MARCHF1: variants seen among roughly 807,000 people sequenced by gnomAD.
The protein encoded by MARCHF1 is E3 ubiquitin-protein ligase MARCHF1.
Under a neutral mutation model 54.2 loss-of-function variants are expected in MARCHF1, and 40 were observed. That is an observed-to-expected ratio of 0.74 (90% confidence interval 0.57 to 0.96). MARCHF1 has a LOEUF of 0.96. MARCHF1 is among the 40% of genes least tolerant of loss of function. The pLI is 0.00. For missense variants in MARCHF1, 586 were observed against 656.5 expected, an observed-to-expected ratio of 0.89 and a Z score of 1.17; for synonymous variants, 236 against 236.3, an observed-to-expected ratio of 1.00 and a Z score of 0.01.
intron 4 of MARCHF1, among the ~76,000 whole-genome samples, chr4:163,749,878 A>C (rs1233083092): frequency 6.6e-6 from 1 of 151,132 alleles, no homozygotes; most frequent in Non-Finnish European, 1.5e-5. Flanking sequence ...CCAGACTGAC[A>C]TTGTGAAACC....
chr4:163,771,624 G>T (rs1337277166), intron 4 of MARCHF1, among the ~76,000 whole-genome samples: 2 of 152,078 alleles, frequency 1.3e-5, no homozygotes, highest in African/African-American at 4.8e-5. Context: ...TTCCCAAAAG[G>T]CCCTGTCTCC....
In MARCHF1 at chr4:164,185,264, A is replaced by C. The variant is rs551079514; in HGVS notation, c.-322-73602T>G. 2.4e-3 allele frequency among the ~76,000 whole-genome samples: 360 copies of C among 152,336 alleles called. 7 individuals carry two copies. The highest frequency in any genetic ancestry group is 8.1e-4 in the Non-Finnish European group (55 of 68,026). On this transcript the variant is annotated intron_variant, in intron 1 of 9. Coordinates refer to ENST00000514618, the MANE Select transcript of MARCHF1 (RefSeq NM_001394959.1). ...TACATTAGTTTTAGCTAAGACTCTA[A>C]TACTAATATTTTCAGATAAACATTG...
At chr4:164,362,214 G>T (rs1435125648) in intron 1 of MARCHF1, among the ~76,000 whole-genome samples, 1 of 152,068 alleles carries the variant, frequency 6.6e-6, no homozygotes. Context: ...ACAGACATTT[G>T]TGTGTGATTA....
chr4:163,925,979 T>C (rs916501529), intron 3 of MARCHF1, among the ~76,000 whole-genome samples: 28 of 151,838 alleles, frequency 1.8e-4, no homozygotes, highest in Admixed American at 1.8e-3. Context: ...TGTTTTTTAC[T>C]TTCTTCTGAT....
intron 4 of MARCHF1, among the ~76,000 whole-genome samples, chr4:163,778,054 G>A (rs758002200): frequency 2.6e-5 from 4 of 152,208 alleles, no homozygotes; most frequent in Middle Eastern, 3.4e-3. Flanking sequence ...TCCAATTAAC[G>A]TAGTATTTTT....
chr4:164,330,376 G>A (rs73870863), intron 1 of MARCHF1, among the ~76,000 whole-genome samples: 1,947 of 152,110 alleles, frequency 0.013, 47 homozygotes, highest in African/African-American at 0.044. Flanking sequence ...AAATTCCGAA[G>A]TTTGTCATGT....
chr4:164,099,784 T>A (rs1338952479), intron 2 of MARCHF1, among the ~76,000 whole-genome samples: 1 of 152,136 alleles, frequency 6.6e-6, no homozygotes, highest in Non-Finnish European at 1.5e-5. Context: ...GGTCATAATA[T>A]CAAAAATATA....
intron 3 of MARCHF1, among the ~76,000 whole-genome samples, chr4:163,905,105 T>C (rs1300561424): frequency 2.6e-5 from 4 of 152,148 alleles, no homozygotes; most frequent in Non-Finnish European, 4.4e-5. Context: ...AGGTCTTACT[T>C]TGATACCTTG....
chr4:164,056,264 G>A (rs77109040), intron 2 of MARCHF1, among the ~76,000 whole-genome samples: 4,538 of 152,266 alleles, frequency 0.03, 88 homozygotes, highest in Non-Finnish European at 0.046. Flanking sequence ...AGAACAGAAA[G>A]TGCCTGGGAA....
chr4:163,628,967 C>T (rs1015237144), intron 5 of MARCHF1, among the ~76,000 whole-genome samples: 2 of 152,140 alleles, frequency 1.3e-5, no homozygotes, highest in Admixed American at 6.5e-5. Flanking sequence ...TGAAAATGGC[C>T]ATACTGCCCA....
chr4:163,926,968 G>A (rs1751551436), intron 3 of MARCHF1, among the ~76,000 whole-genome samples: 1 of 151,446 alleles, frequency 6.6e-6, no homozygotes, highest in African/African-American at 2.4e-5. Context: ...AAAAATACTA[G>A]TTTTTATTAT....
chr4:163,896,121 T>G (rs1173534675), intron 3 of MARCHF1, among the ~76,000 whole-genome samples: 17 of 152,210 alleles, frequency 1.1e-4, no homozygotes, highest in Non-Finnish European at 2.9e-5. Context: ...TTCTTTTGCC[T>G]TCTGTTGAAT....
chr4:163,966,149 A>G (rs1752439779), intron 3 of MARCHF1, among the ~76,000 whole-genome samples: 1 of 152,100 alleles, frequency 6.6e-6, no homozygotes, highest in African/African-American at 2.4e-5. Flanking sequence ...AAAATGTGCT[A>G]TATTACACTA....
At chr4:163,720,845 A>T (rs1745428981) in intron 4 of MARCHF1, among the ~76,000 whole-genome samples, 1 of 152,188 alleles carries the variant, frequency 6.6e-6, no homozygotes, top group South Asian at 2.1e-4. Context: ...TTATTGGTGT[A>T]TAAGAATGCT....
At chr4:163,984,507 A>G (rs539073799) in intron 3 of MARCHF1, among the ~76,000 whole-genome samples, 55 of 152,260 alleles carry the variant, frequency 3.6e-4, no homozygotes, top group African/African-American at 1.3e-3. Context: ...GGTGCCAGAA[A>G]CAGCCTTGGC....
intron 1 of MARCHF1, among the ~76,000 whole-genome samples, chr4:164,319,039 C>T (rs910100873): frequency 6.6e-6 from 1 of 151,876 alleles, no homozygotes; most frequent in African/African-American, 2.4e-5. Flanking sequence ...TTGGGTGGAC[C>T]CCAAAGATAA....
At chr4:163,636,456 C>G (rs539825277) in intron 5 of MARCHF1, among the ~76,000 whole-genome samples, 4,602 of 145,998 alleles carry the variant, frequency 0.032, 203 homozygotes, top group African/African-American at 0.11. Context: ...CAACAACAGA[C>G]AAACAGAGAG....
intron 4 of MARCHF1, among the ~76,000 whole-genome samples, chr4:163,838,957 T>G (rs575609064): frequency 3.9e-5 from 6 of 152,106 alleles, no homozygotes; most frequent in African/African-American, 4.8e-5. Flanking sequence ...ATTAACAAAG[T>G]GAAAAGACAA....
intron 4 of MARCHF1, among the ~76,000 whole-genome samples, chr4:163,794,585 G>A (rs1747859276): frequency 6.6e-6 from 1 of 152,184 alleles, no homozygotes; most frequent in African/African-American, 2.4e-5. Flanking sequence ...GAAATTGATG[G>A]TGGGGGGTCA....
Sources: gnomAD v4.1 joint callset for allele counts (sites outside exome capture counted in the v4.1 genomes callset) on GRCh38, gnomAD v4.1.1 for gene constraint, MANE v1.5 for transcripts, NCBI Gene and HGNC (gene_info 2026-07-23, HGNC 2026-07-21) for gene names.